CLPB: variants seen among roughly 807,000 people sequenced by gnomAD.
CLPB encodes the protein ClpB family mitochondrial disaggregase.
In CLPB, 40 loss-of-function variants were observed where a neutral mutation model predicts 78.4. That is an observed-to-expected ratio of 0.51 (90% CI 0.40 to 0.66). The LOEUF (loss-of-function observed/expected upper bound fraction) is 0.66. Among genes scored for constraint, CLPB ranks in the 30% least tolerant of loss-of-function variants. CLPB has a pLI of 0.00. For missense variants in CLPB, 780 were observed against 886.9 expected, an observed-to-expected ratio of 0.88 and a Z score of 1.53; for synonymous variants, 333 against 348.0, an observed-to-expected ratio of 0.96 and a Z score of 0.48.
chr11:72,401,188 C>T (rs1855549767), intron 3 of CLPB, among the ~76,000 whole-genome samples: 1 of 152,126 alleles, frequency 6.6e-6, no homozygotes, highest in African/African-American at 2.4e-5. Flanking sequence ...GCCTGTAATC[C>T]CAGCACTTTG....
chr11:72,372,176 T>G (rs1368227488), intron 4 of CLPB, among the ~76,000 whole-genome samples: 1 of 152,120 alleles, frequency 6.6e-6, no homozygotes, highest in African/African-American at 2.4e-5. Context: ...TAAATAATAT[T>G]TGGCTCTTTG....
At chr11:72,354,835 G>A (rs1950680296) in intron 5 of CLPB, 1 of 152,486 alleles carries the variant, frequency 6.6e-6, no homozygotes. Flanking sequence ...CCCTCCTCTG[G>A]GAAGCCTTCT....
chr11:72,409,936 C>T (rs1162753664), intron 2 of CLPB, among the ~76,000 whole-genome samples: 1 of 151,896 alleles, frequency 6.6e-6, no homozygotes, highest in African/African-American at 2.4e-5. Flanking sequence ...GGGATTGTGC[C>T]ACTGCACTCC....
At chr11:72,410,269 A>G (rs187310867) in intron 2 of CLPB, among the ~76,000 whole-genome samples, 1 of 152,272 alleles carries the variant, frequency 6.6e-6, no homozygotes, top group East Asian at 1.9e-4. Flanking sequence ...TCTGTTACTT[A>G]CTAAGTGAGG....
intron 6 of CLPB, among the ~76,000 whole-genome samples, chr11:72,329,220 TCTATA>T (rs1325239425): frequency 6.6e-6 from 1 of 152,180 alleles, no homozygotes; most frequent in Non-Finnish European, 1.5e-5. Flanking sequence ...TGGCTCAGAT[TCTATA>T]CTAGGCTTTC....
intron 4 of CLPB, among the ~76,000 whole-genome samples, chr11:72,365,215 C>T (rs1467653099): frequency 6.6e-6 from 1 of 152,142 alleles, no homozygotes; most frequent in Non-Finnish European, 1.5e-5. Flanking sequence ...CCTAGCAACT[C>T]AGGAGGCTGA....
At chr11:72,401,274 C>G (rs1234929124) in intron 3 of CLPB, among the ~76,000 whole-genome samples, 1 of 152,010 alleles carries the variant, frequency 6.6e-6, no homozygotes, top group Non-Finnish European at 1.5e-5. Flanking sequence ...CCCATCTCTA[C>G]TAAAAATACA....
Position 72,294,350 on chromosome 11 carries a change from T to C in CLPB, c.1655A>G (p.Lys552Arg). Residue 552 changes from lysine (K) to arginine (R), a missense_variant, in exon 14 of 16, where the codon AAG becomes AGG. Coordinates refer to ENST00000538039, the MANE Select transcript of CLPB (RefSeq NM_001258392.3). ...TCTCTTGGCCCAGAAGTTTAGTTCC[T>C]TGTTGACGAGTTGGATGAGCTCCGA... ...CHSELIQLVN[K>R]ELNFWAKRAK... is the part of the protein sequence containing the mutation. 1 of 1,614,222 alleles carries C rather than the reference T, an allele frequency of 6.2e-7. No individual in the cohort carries two copies. The highest frequency in any genetic ancestry group is 8.5e-7 in the Non-Finnish European group (1 of 1,180,038).
intron 4 of CLPB, among the ~76,000 whole-genome samples, chr11:72,369,840 A>G (rs2135647154): frequency 6.6e-6 from 1 of 152,330 alleles, no homozygotes; most frequent in East Asian, 1.9e-4. Flanking sequence ...AGGGAGGGGC[A>G]GAATAATGAA....
At chr11:72,318,582 G>A (rs1949991390) in intron 6 of CLPB, among the ~76,000 whole-genome samples, 1 of 152,188 alleles carries the variant, frequency 6.6e-6, no homozygotes, top group Non-Finnish European at 1.5e-5. Context: ...CAAAAGTTGT[G>A]GTTGCAGATT....
Position 72,293,024 on chromosome 11 carries a change from C to G in CLPB, c.*343G>C, listed in dbSNP as rs529920332. ...TCTTAGCTGCCATACTTCTGAGCTT[C>G]CTGGGAACATGAGAAAGTCTGGCGA... is the stretch of plus-strand genomic sequence containing the variant. On this transcript the variant is annotated 3_prime_UTR_variant, in exon 16 of 16. Transcript: ENST00000538039. 1 of 226,480 alleles carries G rather than the reference C, an allele frequency of 4.4e-6. No individual in the cohort carries two copies. Among genetic ancestry groups the G allele is most frequent in the South Asian group, 8.5e-5 (1 of 11,772 alleles). 14.0% of individuals were successfully genotyped at this position (226,480 alleles called of 1,614,324 possible). A position where few individuals can be genotyped will look rare whatever the true frequency, so the allele number is the denominator to read the frequency against.
intron 3 of CLPB, among the ~76,000 whole-genome samples, chr11:72,383,568 C>T (rs1245089360): frequency 6.6e-6 from 1 of 150,550 alleles, no homozygotes; most frequent in Non-Finnish European, 1.5e-5. Context: ...AAGAAGGATT[C>T]TGAAAGCAGT....
In CLPB at chr11:72,358,764, G is replaced by A. The variant is rs990717241; in HGVS notation, c.775+116C>T. On this transcript the variant is annotated intron_variant, in intron 5 of 15. Coordinates refer to ENST00000538039, the MANE Select transcript of CLPB (RefSeq NM_001258392.3). Reference sequence around the variant, plus strand: ...GGAAGTATGTTATTTCCAGAATAGTGAGGCTGCCAAGTACTCTCTCCCCCT... The same window carrying A: ...GGAAGTATGTTATTTCCAGAATAGTAAGGCTGCCAAGTACTCTCTCCCCCT... 19 of 829,268 alleles carry A rather than the reference G, an allele frequency of 2.3e-5. No homozygotes were observed. The Admixed American group carries it at 3.5e-4, about 15-fold the overall frequency. 51.4% of individuals were successfully genotyped at this position (829,268 alleles called of 1,614,324 possible).
intron 3 of CLPB, among the ~76,000 whole-genome samples, chr11:72,383,455 C>T (rs1314189491): frequency 2.7e-5 from 4 of 149,946 alleles, no homozygotes; most frequent in Admixed American, 1.3e-4. Flanking sequence ...GGCGTGAACC[C>T]GGGAGGCAGA....
At chr11:72,336,807 C>T (rs2135562678) in intron 5 of CLPB, 1 of 330,644 alleles carries the variant, frequency 3.0e-6, no homozygotes. Context: ...ATCAAGGAAA[C>T]ATTGAGAGAG....
chr11:72,400,478 CA>C (rs1332028837), intron 3 of CLPB, among the ~76,000 whole-genome samples: 1 of 152,200 alleles, frequency 6.6e-6, no homozygotes, highest in Non-Finnish European at 1.5e-5. Context: ...GATGTGTCCC[CA>C]AAAGCATATC....
At position 72,434,314 on chromosome 11, in the gene CLPB, C is replaced by T. The variant is rs1224993804; in HGVS notation, c.161G>A (p.Gly54Glu). 3.7e-6 allele frequency: 6 copies of T among 1,612,434 alleles called. No homozygotes were observed. Among genetic ancestry groups the T allele is most frequent in the Non-Finnish European group, 5.1e-6 (6 of 1,179,762 alleles). ...CAAGGCCGGCGATGTTCCAGGGCGC[C>T]CCCCGGTGGCTACCCTCAGCCACTG... ...EPQWLRVATG[G>E]RPGTSPALFS... Residue 54 changes from glycine (G) to glutamate (E), a missense_variant, in exon 1 of 16, where the codon GGG becomes GAG. Physicochemically the swap from Gly to Glu is moderately conservative, Grantham distance 98. Transcript: ENST00000538039.
At chr11:72,423,450 C>T (rs1042910565) in intron 2 of CLPB, among the ~76,000 whole-genome samples, 1 of 152,180 alleles carries the variant, frequency 6.6e-6, no homozygotes, top group Non-Finnish European at 1.5e-5. Context: ...AGGCACTGTA[C>T]CAGGCATTGT....
chr11:72,323,872 T>C (rs1277539010), intron 6 of CLPB, among the ~76,000 whole-genome samples: 1 of 152,106 alleles, frequency 6.6e-6, no homozygotes, highest in Non-Finnish European at 1.5e-5. Flanking sequence ...GTCATCTTTT[T>C]TTAGGAAATA....
Sources: allele counts gnomAD v4.1 joint callset (sites outside exome capture counted in the v4.1 genomes callset), GRCh38; gene constraint gnomAD v4.1.1; transcripts MANE v1.5; gene names NCBI Gene and HGNC (gene_info 2026-07-23, HGNC 2026-07-21).